ROR2: variants seen among roughly 807,000 people sequenced by gnomAD.
The protein encoded by ROR2 is tyrosine-protein kinase transmembrane receptor ROR2.
A neutral mutation model predicts 74.9 loss-of-function variants in ROR2; 33 were observed. That is an observed-to-expected ratio of 0.44 (90% CI 0.33 to 0.59). The LOEUF (loss-of-function observed/expected upper bound fraction) is 0.59, where lower values mean the gene tolerates loss of function less well. ROR2 is among the 20% of genes least tolerant of loss of function. The pLI is 0.02. For missense variants in ROR2, 1,216 were observed against 1,313.8 expected (o/e 0.93, Z 1.15); for synonymous variants, 586 against 558.7 (o/e 1.05, Z -0.69).
At chr9:91,728,191 A>G (rs1202475317) in intron 7 of ROR2, among the ~76,000 whole-genome samples, 1 of 152,216 alleles carries the variant, frequency 6.6e-6, no homozygotes, top group African/African-American at 2.4e-5. Flanking sequence ...TTACTGGGAA[A>G]AACTGTAGTA....
intron 1 of ROR2, among the ~76,000 whole-genome samples, chr9:91,819,490 G>C (rs551793826): frequency 6.6e-6 from 1 of 152,044 alleles, no homozygotes; most frequent in Non-Finnish European, 1.5e-5. Flanking sequence ...GTATCTTTGT[G>C]TCTCTGCGTG....
chr9:91,886,156 A>G (rs1369334986), intron 1 of ROR2, among the ~76,000 whole-genome samples: 2 of 152,266 alleles, frequency 1.3e-5, no homozygotes, highest in East Asian at 3.9e-4. Flanking sequence ...GATTACAGGC[A>G]TGAGCTACCG....
At chr9:91,898,513 A>G (rs1554690363) in intron 1 of ROR2, among the ~76,000 whole-genome samples, 1 of 152,174 alleles carries the variant, frequency 6.6e-6, no homozygotes, top group Non-Finnish European at 1.5e-5. Context: ...CCCTTTATTC[A>G]TGACAACTTT....
intron 1 of ROR2, among the ~76,000 whole-genome samples, chr9:91,800,383 A>ATATTTCTGT (rs1374526429): frequency 6.6e-6 from 1 of 151,636 alleles, no homozygotes; most frequent in Non-Finnish European, 1.5e-5. Context: ...ACCAGTGCAG[A>ATATTTCTGT]TATTTCTGTC....
At chr9:91,889,435 T>C (rs996882339) in intron 1 of ROR2, among the ~76,000 whole-genome samples, 2 of 152,176 alleles carry the variant, frequency 1.3e-5, no homozygotes, top group Admixed American at 6.5e-5. Flanking sequence ...CTAGACATAC[T>C]GCATGCTAGA....
intron 1 of ROR2, among the ~76,000 whole-genome samples, chr9:91,849,028 C>G (rs994177935): frequency 6.6e-6 from 1 of 152,172 alleles, no homozygotes; most frequent in Non-Finnish European, 1.5e-5. Context: ...TGCAGTTCCA[C>G]AGCGACCACC....
chr9:91,791,226 C>G (rs1400618887), intron 1 of ROR2, among the ~76,000 whole-genome samples: 1 of 152,142 alleles, frequency 6.6e-6, no homozygotes. Context: ...TATATTTTTA[C>G]TGTACTTTTT....
Position 91,724,483 on chromosome 9 carries a change from T to C in ROR2, c.2011A>G (p.Ile671Val). The C allele has an allele frequency of 1.2e-6, 2 of 1,614,202 alleles. No homozygotes were observed. Among genetic ancestry groups the C allele is most frequent in the Non-Finnish European group, 1.7e-6 (2 of 1,180,028 alleles). ...CCGTAGGACCAGATGTCTGAGTCGA[T>C]GGAGAACTTGCCGTACATGATGGCC... is the stretch of plus-strand genomic sequence containing the variant. The part of the protein sequence containing the change: ...PEAIMYGKFS[I>V]DSDIWSYGVV... Residue 671 changes from isoleucine (I) to valine (V), a missense_variant, in exon 9 of 9, where the codon ATC (isoleucine) becomes GTC (valine). Physicochemically the swap from Ile to Val is conservative, Grantham distance 29 (BLOSUM62 3). Coordinates refer to ENST00000375708, the MANE Select transcript of ROR2 (RefSeq NM_004560.4).
At chr9:91,727,406 T>C (rs1564232796) in intron 7 of ROR2, among the ~76,000 whole-genome samples, 1 of 151,102 alleles carries the variant, frequency 6.6e-6, no homozygotes, top group Admixed American at 6.6e-5. Context: ...CCTGCATTTT[T>C]TTTTTTTTTA....
At chr9:91,809,062 C>G (rs1433089197) in intron 1 of ROR2, among the ~76,000 whole-genome samples, 1 of 152,034 alleles carries the variant, frequency 6.6e-6, no homozygotes, top group East Asian at 1.9e-4. Context: ...AATGGACATG[C>G]CCTAGGGGAT....
intron 2 of ROR2, among the ~76,000 whole-genome samples, chr9:91,764,559 T>TACACACACACACAC (rs11405599): frequency 0.012 from 1,787 of 147,668 alleles, 39 homozygotes; most frequent in Admixed American, 0.057. Context: ...TATAATCACT[T>TACACACACACACAC]ACACACACAC....
Position 91,723,627 on chromosome 9 carries a change from G to T in ROR2, c.*35C>A. ...TGAGGTCCCTGTGGGGTCTCGGCGG[G>T]GCTTCTATCCCCGAACCCCGGGCCC... On this transcript the variant is annotated 3_prime_UTR_variant, in exon 9 of 9. Transcript: ENST00000375708. 1 of 1,609,742 alleles carries T rather than the reference G, an allele frequency of 6.2e-7. No individual in the cohort carries two copies. Among genetic ancestry groups the T allele is most frequent in the Non-Finnish European group, 8.5e-7 (1 of 1,178,784 alleles).
chr9:91,930,266 C>T (rs1462113312), intron 1 of ROR2, among the ~76,000 whole-genome samples: 3 of 152,216 alleles, frequency 2.0e-5, no homozygotes, highest in Non-Finnish European at 4.4e-5. Flanking sequence ...ACGCTTCCCA[C>T]CTTTGCTGTG....
chr9:91,843,930 T>G (rs1534530), intron 1 of ROR2, among the ~76,000 whole-genome samples: 1 of 152,146 alleles, frequency 6.6e-6, no homozygotes, highest in African/African-American at 2.4e-5. Flanking sequence ...ATGCCGGCCC[T>G]GCTGTCTGCA....
intron 1 of ROR2, among the ~76,000 whole-genome samples, chr9:91,853,821 G>A (rs56088447): frequency 0.25 from 38,212 of 152,124 alleles, 5,228 homozygotes; most frequent in Admixed American, 0.42. Flanking sequence ...TGGGCAGCAA[G>A]GACTGTGGGA....
chr9:91,831,385 G>C (rs1406432241), intron 1 of ROR2, among the ~76,000 whole-genome samples: 1 of 152,144 alleles, frequency 6.6e-6, no homozygotes, highest in South Asian at 2.1e-4. Flanking sequence ...TATCTTCTTG[G>C]AAGGGACCAG....
intron 1 of ROR2, among the ~76,000 whole-genome samples, chr9:91,937,888 T>C (rs140548467): frequency 9.9e-5 from 15 of 152,166 alleles, no homozygotes; most frequent in Non-Finnish European, 1.9e-4. Flanking sequence ...TAATTTTTCA[T>C]TTTTATTTTT....
intron 1 of ROR2, among the ~76,000 whole-genome samples, chr9:91,939,094 C>CA (rs1158797401): frequency 1.3e-5 from 2 of 151,946 alleles, no homozygotes; most frequent in East Asian, 1.9e-4. Context: ...ACTAAAAATA[C>CA]AAAAAATTAG....
At chr9:91,948,974 C>G in intron 1 of ROR2, 3 of 954,100 alleles carry the variant, frequency 3.1e-6, no homozygotes, top group Non-Finnish European at 3.7e-6. Flanking sequence ...GCTGCACTTC[C>G]GAACCTCCCC....
Sources: allele counts gnomAD v4.1 joint callset (sites outside exome capture counted in the v4.1 genomes callset), GRCh38; gene constraint gnomAD v4.1.1; transcripts MANE v1.5; gene names NCBI Gene and HGNC (gene_info 2026-07-23, HGNC 2026-07-21).